The following EIF6 variants were observed in gnomAD, a reference collection of about 807,000 sequenced individuals.
EIF6 encodes B4 integrin interactor.
A neutral mutation model predicts 25.5 loss-of-function variants in EIF6; 10 were observed. The ratio of observed to expected loss-of-function variants is 0.39; its 90% confidence interval spans 0.24 to 0.66. The LOEUF is 0.66. Ranked by LOEUF, EIF6 falls within the 30% of genes least tolerant of loss-of-function variation. The probability of loss-of-function intolerance (pLI) is 0.45; values close to 1 mark genes in which losing one functional copy is unlikely to be tolerated. For missense variants in EIF6, 246 were observed against 315.4 expected, an observed-to-expected ratio of 0.78 and a Z score of 1.67; for synonymous variants, 122 against 122.6, an observed-to-expected ratio of 1.00 and a Z score of 0.03.
chr20:35,284,177 C>T lies in EIF6; in HGVS notation c.192G>A (p.Val64=), dbSNP rs761727924. 80 of 1,590,874 alleles carry T rather than the reference C, an allele frequency of 5.0e-5. No individual in the cohort carries two copies. Among genetic ancestry groups the T allele is most frequent in the Non-Finnish European group, 6.2e-5 (73 of 1,168,228 alleles). Residue 64 remains valine, a splice_region_variant and synonymous_variant, in exon 3 of 7, where the codon GTG becomes GTA. Transcript: ENST00000374450. ...AGCRIIGRMC[V]GNRHGLLVPN... The stretch of plus-strand genomic sequence containing the variant: ...CTCGGCGTCCTCCACCTGCCTTACC[C>T]ACACACATGCGCCCGATGATGCGGC...
Position 35,280,138 on chromosome 20 carries a change from T to C in EIF6, c.370-20A>G. 6.2e-7 allele frequency: 1 copy of C among 1,611,084 alleles called. No individual in the cohort carries two copies. The highest frequency in any genetic ancestry group is 8.5e-7 in the Non-Finnish European group (1 of 1,177,924). On this transcript the variant is annotated intron_variant, in intron 4 of 6. Coordinates refer to ENST00000374450, the MANE Select transcript of EIF6 (RefSeq NM_002212.4). ...TGTCTCCTGTCAATCAAAGATATTG[T>C]GTTCAGGGCTCAGAACTTACAGCCC... is the stretch of plus-strand genomic sequence containing the variant.
In EIF6 at chr20:35,280,117, T is replaced by A. The variant is rs754043227; in HGVS notation, c.371A>T (p.Glu124Val). 7.4e-6 allele frequency: 12 copies of A among 1,613,784 alleles called. 1 individual carries two copies. The East Asian group carries it at 2.7e-4, about 36-fold the overall frequency. Reference sequence around the variant, plus strand: ...CACATCTGCCAGAATTTCTTCTGTCTCCTGTCAATCAAAGATATTGTGTTC... The same window carrying A: ...CACATCTGCCAGAATTTCTTCTGTCACCTGTCAATCAAAGATATTGTGTTC... Reference protein sequence around the residue: ...VALVHPDLDRETEEILADVLK... With the variant: ...VALVHPDLDRVTEEILADVLK... Residue 124 changes from glutamate (E) to valine (V), a missense_variant and splice_region_variant, in exon 5 of 7, where the codon GAG (glutamate) becomes GTG (valine). Transcript: ENST00000374450.
Position 35,284,451 on chromosome 20 carries a change from T to C in EIF6, c.37A>G (p.Ile13Val). ...VRASFENNCE[I>V]GCFAKLTNTY... is the part of the protein sequence containing the mutation. ...TTGGTGAGCTTGGCAAAGCAGCCGATCTCACAGTTGTTCTCGAACGAAGCT... is the reference window on the plus strand; with the variant it reads ...TTGGTGAGCTTGGCAAAGCAGCCGACCTCACAGTTGTTCTCGAACGAAGCT... The change falls in exon 2 of 7, where the codon ATC becomes GTC. Residue 13 changes from isoleucine to valine, a missense_variant. Transcript: ENST00000374450. 2 of 1,613,052 alleles carry C rather than the reference T, an allele frequency of 1.2e-6. No homozygotes were observed. Among genetic ancestry groups the C allele is most frequent in the South Asian group, 2.2e-5 (2 of 91,074 alleles).
chr20:35,284,252 C>T lies in EIF6; in HGVS notation c.117G>A (p.Glu39=). The T allele has an allele frequency of 2.5e-6, 4 of 1,613,296 alleles. No individual in the cohort carries two copies. The highest frequency in any genetic ancestry group is 3.4e-6 in the Non-Finnish European group (4 of 1,179,938). The change falls in exon 3 of 7, where the codon GAG becomes GAA. Residue 39 remains glutamate (E), a synonymous_variant. Transcript: ENST00000374450. ...GGSENFYSVF[E]GELSDTIPVV... ...CGGGGATGGTATCGGAGAGCTCGCC[C>T]TCGAACACACTGTAGGGACATGGAC...
chr20:35,279,540 C>T (rs1600819377), intron 6 of EIF6, 26 bp downstream of exon 6: 1 of 1,611,198 alleles, frequency 6.2e-7, no homozygotes, highest in African/African-American at 1.3e-5. Context: ...CAACCCTGAG[C>T]AGAAGAAAGG....
intron 6 of EIF6, 105 bp downstream of exon 6, chr20:35,279,461 G>C (rs1209472712): frequency 6.7e-7 from 1 of 1,492,666 alleles, no homozygotes; most frequent in Non-Finnish European, 9.1e-7. Context: ...GAAGCTACCA[G>C]AACAAACTGG....
intron 6 of EIF6, 116 bp from the exon 7 acceptor site, chr20:35,279,322 C>T: frequency 7.1e-7 from 1 of 1,409,556 alleles, no homozygotes; most frequent in Non-Finnish European, 9.9e-7. Flanking sequence ...GCTGCTCAAG[C>T]AGCTACTGCT....
At chr20:35,281,342 C>T (rs1396367237) in intron 3 of EIF6, among the ~76,000 whole-genome samples, 6 of 150,628 alleles carry the variant, frequency 4.0e-5, no homozygotes, top group East Asian at 3.9e-4. Flanking sequence ...GCCGAGATCG[C>T]GCCACTGCAC....
Position 35,284,227 on chromosome 20 carries a change from C to T in EIF6, c.142G>A (p.Val48Met), listed in dbSNP as rs1241728804. ...CAGCCGGCGATAGACGCGTGCACCA[C>T]GGGGATGGTATCGGAGAGCTCGCCC... ...FEGELSDTIP[V>M]VHASIAGCRI... The change falls in exon 3 of 7, where the codon GTG (valine) becomes ATG (methionine). Residue 48 changes from valine (V) to methionine (M), a missense_variant. Coordinates refer to ENST00000374450, the MANE Select transcript of EIF6 (RefSeq NM_002212.4). 2 of 1,608,376 alleles carry T rather than the reference C, an allele frequency of 1.2e-6. No individual in the cohort carries two copies. The highest frequency in any genetic ancestry group is 1.7e-6 in the Non-Finnish European group (2 of 1,177,034).
Position 35,283,959 on chromosome 20 carries a change from G to A in EIF6, c.193+217C>T, listed in dbSNP as rs547095661. Among the ~76,000 whole-genome samples, 9 of 152,336 alleles carry A rather than the reference G, an allele frequency of 5.9e-5. No individual in the cohort carries two copies. The East Asian group carries it at 1.2e-3, about 20-fold the overall frequency. On this transcript the variant is annotated intron_variant, in intron 3 of 6. Coordinates refer to ENST00000374450, the MANE Select transcript of EIF6 (RefSeq NM_002212.4). ...TTGTGACGAAGGAATGAGAACAGGA[G>A]TGAAAGCACTTTACATTATTTGTTA...
intron 1 of EIF6, 81 bp downstream of exon 1, chr20:35,284,645 C>T (rs2060810092): frequency 3.5e-6 from 3 of 859,444 alleles, no homozygotes; most frequent in Admixed American, 2.8e-5. Context: ...CCAGAACCTC[C>T]GGCCCTGAAT....
intron 3 of EIF6, among the ~76,000 whole-genome samples, chr20:35,281,773 C>A (rs957708673): frequency 6.6e-6 from 1 of 152,002 alleles, no homozygotes; most frequent in Non-Finnish European, 1.5e-5. Context: ...TACAAGTCAT[C>A]AATTCCAAGT....
intron 3 of EIF6, among the ~76,000 whole-genome samples, chr20:35,281,123 G>A (rs1393954988): frequency 1.3e-5 from 2 of 152,202 alleles, no homozygotes; most frequent in African/African-American, 2.4e-5. Context: ...GCTCACGCCT[G>A]TAATCCCAGC....
At position 35,284,377 on chromosome 20, in the gene EIF6, G is replaced by A; in HGVS notation, c.107+4C>T. ...CACCGTAAGCCCCGGGGCTCCCGCC[G>A]CACCTGTAGAAGTTCTCTGAGCCTC... On this transcript the variant is annotated splice_donor_region_variant and intron_variant, in intron 2 of 6. Coordinates refer to ENST00000374450, the MANE Select transcript of EIF6 (RefSeq NM_002212.4). 1.2e-6 allele frequency: 2 copies of A among 1,613,944 alleles called. No homozygotes were observed. The highest frequency in any genetic ancestry group is 1.7e-5 in the Admixed American group (1 of 60,030).
intron 4 of EIF6, 143 bp from the exon 5 acceptor site, chr20:35,280,261 A>G (rs2060763035): frequency 1.1e-6 from 1 of 930,464 alleles, no homozygotes; most frequent in Non-Finnish European, 1.6e-6. Context: ...CACCCAGAGA[A>G]AGGAGGAAGT....
intron 3 of EIF6, among the ~76,000 whole-genome samples, chr20:35,283,084 G>C (rs1013410016): frequency 5.3e-5 from 8 of 151,908 alleles, no homozygotes; most frequent in Non-Finnish European, 1.0e-4. Context: ...CTGAGGTCAG[G>C]AGTTCAAGAC....
chr20:35,284,185 T>C lies in EIF6; in HGVS notation c.184A>G (p.Met62Val). Reference sequence around the variant, plus strand: ...CCTCCACCTGCCTTACCCACACACATGCGCCCGATGATGCGGCAGCCGGCG... The same window carrying C: ...CCTCCACCTGCCTTACCCACACACACGCGCCCGATGATGCGGCAGCCGGCG... ...SIAGCRIIGR[M>V]CVGNRHGLLV... Residue 62 changes from methionine (M) to valine (V), a missense_variant, in exon 3 of 7, where the codon ATG (methionine) becomes GTG (valine). Coordinates refer to ENST00000374450, the MANE Select transcript of EIF6 (RefSeq NM_002212.4). The C allele has an allele frequency of 6.3e-7, 1 of 1,594,664 alleles. No individual in the cohort carries two copies. Among genetic ancestry groups the C allele is most frequent in the Non-Finnish European group, 8.5e-7 (1 of 1,169,992 alleles).
In EIF6 at chr20:35,278,964, A is replaced by G. The variant is rs1214562524; in HGVS notation, c.*233T>C. The G allele has an allele frequency of 1.7e-6, 1 of 598,538 alleles. No homozygotes were observed. Among genetic ancestry groups the G allele is most frequent in the East Asian group, 2.9e-5 (1 of 34,770 alleles). The allele number at this position is 598,538 out of a possible 1,614,324, so 37.1% of individuals were successfully genotyped here. A position where few individuals can be genotyped will look rare whatever the true frequency, so the allele number is the denominator to read the frequency against. The stretch of plus-strand genomic sequence containing the variant: ...TTAATGGGGTGGCACAGGACAGCAG[A>G]ACCCTCAGCCAGCAGCCACAGGGCC... On this transcript the variant is annotated 3_prime_UTR_variant, in exon 7 of 7. Transcript: ENST00000374450.
Position 35,279,118 on chromosome 20 carries a change from C to A in EIF6, c.*79G>T. On this transcript the variant is annotated 3_prime_UTR_variant, in exon 7 of 7. Transcript: ENST00000374450. ...TCTCTGCCACCTCCCTGCCAGCATC[C>A]GGTACAGATTGGGCGGAATGTGGAG... The A allele has an allele frequency of 6.3e-7, 1 of 1,589,488 alleles. No homozygotes were observed. Among genetic ancestry groups the A allele is most frequent in the Non-Finnish European group, 8.6e-7 (1 of 1,159,024 alleles).
Sources: allele counts gnomAD v4.1 joint callset (sites outside exome capture counted in the v4.1 genomes callset), GRCh38; gene constraint gnomAD v4.1.1; transcripts MANE v1.5; gene names NCBI Gene and HGNC (gene_info 2026-07-23, HGNC 2026-07-21).